NCOA2: variants seen among roughly 807,000 people sequenced by gnomAD.
The protein encoded by NCOA2 is nuclear receptor coactivator 2, also known as class E basic helix-loop-helix protein 75.
A neutral mutation model predicts 145.1 loss-of-function variants in NCOA2; 21 were observed. The observed-to-expected ratio is 0.14, with a 90% CI of 0.10 to 0.21. The LOEUF (loss-of-function observed/expected upper bound fraction) is 0.21. Among genes scored for constraint, NCOA2 ranks in the 10% least tolerant of loss-of-function variants. The probability of loss-of-function intolerance (pLI) is 1.00; values close to 1 mark genes in which losing one functional copy is unlikely to be tolerated. For synonymous variants in NCOA2, 619 were observed against 637.5 expected, an observed-to-expected ratio of 0.97 and a Z score of 0.44; for missense variants, 1,472 against 1,837.6, an observed-to-expected ratio of 0.80 and a Z score of 3.64.
chr8:70,392,818 T>C (rs1813326248), intron 1 of NCOA2, among the ~76,000 whole-genome samples: 1 of 152,218 alleles, frequency 6.6e-6, no homozygotes, highest in Non-Finnish European at 1.5e-5. Flanking sequence ...TAAGTCCAGG[T>C]GTGAAAAATG....
At chr8:70,352,225 C>G (rs1809309982) in intron 1 of NCOA2, among the ~76,000 whole-genome samples, 1 of 152,120 alleles carries the variant, frequency 6.6e-6, no homozygotes, top group Non-Finnish European at 1.5e-5. Flanking sequence ...ATTGATCCCT[C>G]TCTTAATCGT....
Position 70,138,347 on chromosome 8 carries a change from G to GA in NCOA2, c.3029-16dup. 3.8e-6 allele frequency: 6 copies of GA among 1,577,322 alleles called. No individual in the cohort carries two copies. The highest frequency in any genetic ancestry group is 1.9e-5 in the Admixed American group (1 of 51,530). On this transcript the variant is annotated splice_polypyrimidine_tract_variant and intron_variant, in intron 14 of 22. Coordinates refer to ENST00000452400, the MANE Select transcript of NCOA2 (RefSeq NM_006540.4). ...TTCAGATGGCCCTAGAAAGGGAGAAGAAAAAAATCTTACATCTTTAATCAA... is the reference window on the plus strand; with the variant it reads ...TTCAGATGGCCCTAGAAAGGGAGAAGAAAAAAAATCTTACATCTTTAATCAA...
chr8:70,382,246 T>C (rs1457512294), intron 1 of NCOA2, among the ~76,000 whole-genome samples: 1 of 152,020 alleles, frequency 6.6e-6, no homozygotes, highest in Non-Finnish European at 1.5e-5. Flanking sequence ...AGGCTTCTTC[T>C]AAGAAAAGTC....
At chr8:70,406,144 A>G (rs761452100), upstream of NCOA2, among the ~76,000 whole-genome samples, 15 of 152,222 alleles carry the variant, frequency 9.9e-5, no homozygotes, top group Non-Finnish European at 2.1e-4. Flanking sequence ...TGTACATGCT[A>G]TAGCACCTAA....
the NCOA2 span, among the ~76,000 whole-genome samples, chr8:70,433,963 T>A: frequency 0.12 from 17,702 of 152,154 alleles, 1,157 homozygotes; most frequent in Middle Eastern, 0.22. Context: ...AAAAAAATAT[T>A]TGCTGGGATG....
rs140918267 is a variant in NCOA2 at position 70,191,705 on chromosome 8, G to C, written c.260-16846C>G. Among the ~76,000 whole-genome samples the C allele has an allele frequency of 3.1e-3, 477 of 152,274 alleles. 1 individual carries two copies. Among genetic ancestry groups the C allele is most frequent in the African/African-American group, 0.011 (448 of 41,566 alleles). On this transcript the variant is annotated intron_variant, in intron 4 of 22. Coordinates refer to ENST00000452400, the MANE Select transcript of NCOA2 (RefSeq NM_006540.4). ...TTATAGAAGTGAGAGAGACCCATGA[G>C]AATCTCCTGTGAGATTAAAAGAGAT... is the stretch of plus-strand genomic sequence containing the variant.
chr8:70,320,882 T>C (rs1805995908), intron 1 of NCOA2, among the ~76,000 whole-genome samples: 1 of 152,358 alleles, frequency 6.6e-6, no homozygotes, highest in South Asian at 2.1e-4. Flanking sequence ...GTAAGTGTTA[T>C]GAGTTATCTC....
intron 2 of NCOA2, among the ~76,000 whole-genome samples, chr8:70,281,961 A>G (rs897830201): frequency 2.6e-5 from 4 of 152,244 alleles, no homozygotes; most frequent in African/African-American, 9.6e-5. Context: ...AAAATATAAC[A>G]TTCAAAATAT....
At chr8:70,397,936 C>G (rs1303056631) in intron 1 of NCOA2, among the ~76,000 whole-genome samples, 2 of 152,090 alleles carry the variant, frequency 1.3e-5, no homozygotes, top group Non-Finnish European at 2.9e-5. Flanking sequence ...ATCTTTAGTA[C>G]TAAAGCAAAT....
chr8:70,354,397 C>T (rs555150821), intron 1 of NCOA2, among the ~76,000 whole-genome samples: 306 of 152,280 alleles, frequency 2.0e-3, no homozygotes, highest in African/African-American at 7.1e-3. Context: ...AAGTCTGCAC[C>T]TTCTCACATG....
intron 2 of NCOA2, among the ~76,000 whole-genome samples, chr8:70,222,019 T>C (rs1820180213): frequency 6.6e-6 from 1 of 152,182 alleles, no homozygotes. Context: ...CGTAATACTG[T>C]AGTGCTTCTT....
At chr8:70,177,514 A>T (rs1815002364) in intron 4 of NCOA2, among the ~76,000 whole-genome samples, 1 of 152,152 alleles carries the variant, frequency 6.6e-6, no homozygotes, top group Admixed American at 6.5e-5. Flanking sequence ...GTGTGGAAAG[A>T]TAAAGTAATT....
chr8:70,329,896 T>G (rs1446382160), intron 1 of NCOA2, among the ~76,000 whole-genome samples: 1 of 152,152 alleles, frequency 6.6e-6, no homozygotes, highest in Non-Finnish European at 1.5e-5. Flanking sequence ...GAGCTCTATC[T>G]TATAGGGACC....
chr8:70,198,942 T>C (rs1296812376), intron 4 of NCOA2, among the ~76,000 whole-genome samples: 1 of 152,066 alleles, frequency 6.6e-6, no homozygotes, highest in Non-Finnish European at 1.5e-5. Context: ...ACAATGAAAC[T>C]GTAAGACGGG....
At chr8:70,179,831 A>T (rs1207467903) in intron 4 of NCOA2, among the ~76,000 whole-genome samples, 1 of 152,238 alleles carries the variant, frequency 6.6e-6, no homozygotes, top group Non-Finnish European at 1.5e-5. Context: ...TCAGAGAAAG[A>T]GATGATAAAA....
chr8:70,355,316 G>A (rs1021476218), intron 1 of NCOA2, among the ~76,000 whole-genome samples: 6 of 152,182 alleles, frequency 3.9e-5, no homozygotes, highest in Admixed American at 2.0e-4. Context: ...GCACAGTTAC[G>A]AGTCCTTCAA....
intron 2 of NCOA2, among the ~76,000 whole-genome samples, chr8:70,233,080 C>T (rs1389930608): frequency 8.1e-6 from 1 of 123,008 alleles, no homozygotes; most frequent in Non-Finnish European, 1.7e-5. Flanking sequence ...CAAAAATTAG[C>T]TGGGCATGGT....
chr8:70,339,422 G>A (rs566173783), intron 1 of NCOA2, among the ~76,000 whole-genome samples: 84 of 152,196 alleles, frequency 5.5e-4, no homozygotes, highest in African/African-American at 1.8e-3. Flanking sequence ...ACTGCTCAAC[G>A]AAATCACAGA....
chr8:70,247,937 A>G (rs1822765007), intron 2 of NCOA2, among the ~76,000 whole-genome samples: 1 of 152,204 alleles, frequency 6.6e-6, no homozygotes. Flanking sequence ...TCCCTCTCTC[A>G]TATTTTCTGC....
Sources: allele counts gnomAD v4.1 joint callset (sites outside exome capture counted in the v4.1 genomes callset), GRCh38; gene constraint gnomAD v4.1.1; transcripts MANE v1.5; gene names NCBI Gene and HGNC (gene_info 2026-07-23, HGNC 2026-07-21).